Variants in NBAS observed in about 807,000 individuals in gnomAD.
NBAS encodes the protein NAG/BC035112 fusion.
In NBAS, 219 loss-of-function variants were observed where a neutral mutation model predicts 302.5. The observed-to-expected ratio is 0.72, with a 90% CI of 0.65 to 0.81. The LOEUF (loss-of-function observed/expected upper bound fraction) is 0.81. Ranked by LOEUF, NBAS falls within the 30% of genes least tolerant of loss-of-function variation. The pLI is 0.00. For missense variants in NBAS, 2,932 were observed against 2,841.6 expected, an observed-to-expected ratio of 1.03 and a Z score of -0.72; for synonymous variants, 1,118 against 1,021.6, an observed-to-expected ratio of 1.09 and a Z score of -1.80.
the NBAS span, among the ~76,000 whole-genome samples, chr2:15,093,133 G>A: frequency 6.6e-6 from 1 of 151,968 alleles, no homozygotes; most frequent in Admixed American, 6.6e-5. Context: ...AGGCATTATT[G>A]GGCCGAGTGC....
chr2:14,937,040 T>C, the NBAS span, among the ~76,000 whole-genome samples: 2 of 152,138 alleles, frequency 1.3e-5, no homozygotes, highest in African/African-American at 4.8e-5. Flanking sequence ...AGCTACCAGC[T>C]CAAGACAAAC....
At chr2:15,555,178 G>A (rs1664589808) in intron 3 of NBAS, among the ~76,000 whole-genome samples, 1 of 151,644 alleles carries the variant, frequency 6.6e-6, no homozygotes, top group African/African-American at 2.4e-5. Flanking sequence ...TTGAGCACAG[G>A]AGTTTAAAGC....
the NBAS span, among the ~76,000 whole-genome samples, chr2:15,102,542 A>T: frequency 6.6e-6 from 1 of 152,150 alleles, no homozygotes; most frequent in African/African-American, 2.4e-5. Flanking sequence ...CCTACCCAAT[A>T]ATGAGCTCCT....
the NBAS span, among the ~76,000 whole-genome samples, chr2:14,928,157 G>A: frequency 0.091 from 13,831 of 152,148 alleles, 657 homozygotes; most frequent in East Asian, 0.15. Context: ...AAATGAGTGG[G>A]TTTTCTCTGA....
At chr2:15,336,133 A>G (rs1160959535) in intron 35 of NBAS, among the ~76,000 whole-genome samples, 1 of 152,156 alleles carries the variant, frequency 6.6e-6, no homozygotes, top group Non-Finnish European at 1.5e-5. Flanking sequence ...TCCAAGATCA[A>G]AAAGATGTTC....
At chr2:15,231,410 G>A (rs553158541) in intron 47 of NBAS, among the ~76,000 whole-genome samples, 9 of 152,158 alleles carry the variant, frequency 5.9e-5, no homozygotes, top group South Asian at 4.1e-4. Flanking sequence ...TGAAGGCATC[G>A]GCATCTGAGT....
intron 41 of NBAS, among the ~76,000 whole-genome samples, chr2:15,289,726 G>A (rs953121516): frequency 2.6e-5 from 4 of 152,108 alleles, no homozygotes; most frequent in East Asian, 1.9e-4. Flanking sequence ...AGCTGGGCGC[G>A]GTGGCTCATG....
At chr2:15,537,904 GT>G (rs1482505316) in intron 7 of NBAS, among the ~76,000 whole-genome samples, 1 of 152,158 alleles carries the variant, frequency 6.6e-6, no homozygotes, top group Non-Finnish European at 1.5e-5. Context: ...CAGAGAAAAA[GT>G]TTTTCCTCCC....
chr2:15,164,597 G>A (rs147692007), downstream of NBAS, among the ~76,000 whole-genome samples: 1,156 of 152,290 alleles, frequency 7.6e-3, 9 homozygotes, highest in African/African-American at 0.025. Flanking sequence ...ATCTGAGTGT[G>A]AGTGAGGGCC....
chr2:14,951,031 A>G, the NBAS span, among the ~76,000 whole-genome samples: 1 of 151,794 alleles, frequency 6.6e-6, no homozygotes, highest in Non-Finnish European at 1.5e-5. Context: ...CCCTCAACCT[A>G]CTCTCCATAT....
At chr2:14,842,814 A>G in the NBAS span, among the ~76,000 whole-genome samples, 1 of 151,448 alleles carries the variant, frequency 6.6e-6, no homozygotes, top group Non-Finnish European at 1.5e-5. Flanking sequence ...CTATGAGGCC[A>G]GCATTTTCCT....
At chr2:15,343,873 C>T (rs1434651612) in intron 35 of NBAS, among the ~76,000 whole-genome samples, 1 of 147,498 alleles carries the variant, frequency 6.8e-6, no homozygotes, top group Non-Finnish European at 1.5e-5. Flanking sequence ...ACTTCAGGAA[C>T]ATTAAACATT....
the NBAS span, among the ~76,000 whole-genome samples, chr2:14,779,155 T>C: frequency 1.3e-5 from 2 of 152,220 alleles, no homozygotes; most frequent in South Asian, 4.2e-4. Flanking sequence ...GAGCTGAAGA[T>C]GAAACAGAAA....
intron 49 of NBAS, among the ~76,000 whole-genome samples, chr2:15,188,262 T>C (rs1665179683): frequency 6.6e-6 from 1 of 152,252 alleles, no homozygotes; most frequent in Non-Finnish European, 1.5e-5. Context: ...TTGGTACTAG[T>C]AAATTATAGT....
At chr2:15,442,782 A>G (rs1678500846) in intron 21 of NBAS, among the ~76,000 whole-genome samples, 1 of 151,842 alleles carries the variant, frequency 6.6e-6, no homozygotes, top group African/African-American at 2.4e-5. Flanking sequence ...AAAAAGAGAG[A>G]AGAATCAAAT....
intron 51 of NBAS, chr2:15,178,252 T>C: frequency 2.2e-6 from 1 of 448,910 alleles, no homozygotes; most frequent in South Asian, 1.6e-5. Flanking sequence ...TGCATGTATG[T>C]GTATGTGTAT....
At chr2:15,202,950 T>C (rs540860660) in intron 48 of NBAS, among the ~76,000 whole-genome samples, 7 of 152,202 alleles carry the variant, frequency 4.6e-5, no homozygotes, top group Non-Finnish European at 8.8e-5. Context: ...TTTCTCGCTG[T>C]AGTGTATCAT....
At chr2:14,797,664 CT>C in the NBAS span, among the ~76,000 whole-genome samples, 75,749 of 151,878 alleles carry the variant, frequency 0.5, 20,610 homozygotes, top group African/African-American at 0.74. Flanking sequence ...GGCCCGGCCT[CT>C]TTGCTCACAC....
chr2:14,912,335 C>T, the NBAS span, among the ~76,000 whole-genome samples: 1 of 152,008 alleles, frequency 6.6e-6, no homozygotes, highest in South Asian at 2.1e-4. Context: ...TTCACTAAAA[C>T]CTGGGCTTTA....
Sources: gnomAD v4.1 joint callset for allele counts (sites outside exome capture counted in the v4.1 genomes callset) on GRCh38, gnomAD v4.1.1 for gene constraint, MANE v1.5 for transcripts, NCBI Gene and HGNC (gene_info 2026-07-23, HGNC 2026-07-21) for gene names.